The following RPS19 variants were observed in gnomAD, a reference collection of about 807,000 sequenced individuals.
RPS19 encodes ribosomal protein S19.
In RPS19, 1 loss-of-function variant was observed where a neutral mutation model predicts 20.3. The observed-to-expected ratio is 0.05, with a 90% CI of 0.02 to 0.23. The LOEUF (loss-of-function observed/expected upper bound fraction) is 0.23, where lower values mean the gene tolerates loss of function less well. Among genes scored for constraint, RPS19 ranks in the 10% least tolerant of loss-of-function variants. The pLI, the probability that RPS19 is intolerant of heterozygous loss-of-function variation, is 1.00. For missense variants in RPS19, 111 were observed against 192.7 expected (o/e 0.58, Z 2.51); for synonymous variants, 87 against 74.8 (o/e 1.16, Z -0.84).
intron 3 of RPS19, among the ~76,000 whole-genome samples, chr19:41,868,770 CA>C (rs1444447326): frequency 6.6e-6 from 1 of 152,100 alleles, no homozygotes; most frequent in Non-Finnish European, 1.5e-5. Context: ...AATTCAACAG[CA>C]GTGCTGCTGG....
intron 3 of RPS19, among the ~76,000 whole-genome samples, chr19:41,861,875 A>T (rs12461131): frequency 6.6e-6 from 1 of 151,932 alleles, no homozygotes; most frequent in African/African-American, 2.4e-5. Flanking sequence ...GTCTCTTTTC[A>T]ATCTTCCAAT....
At chr19:41,870,681 CA>C (rs1472567263) in intron 5 of RPS19, among the ~76,000 whole-genome samples, 5 of 151,914 alleles carry the variant, frequency 3.3e-5, no homozygotes, top group Non-Finnish European at 7.4e-5. Context: ...AGTCAAGTGT[CA>C]CAAAAGAATG....
At chr19:41,868,199 G>A (rs2074109071) in intron 3 of RPS19, among the ~76,000 whole-genome samples, 2 of 152,210 alleles carry the variant, frequency 1.3e-5, no homozygotes, top group South Asian at 4.1e-4. Context: ...CCATGTGATG[G>A]CTGAAATCTG....
At position 41,871,609 on chromosome 19, in the gene RPS19, G is replaced by T; in HGVS notation, c.*232G>T. ...GTTTGGGTCTCTTGATTGTTCTTCA[G>T]GGGCATGAGGAAGAGGCGCTTCCTC... On this transcript the variant is annotated 3_prime_UTR_variant, in exon 6 of 6. Coordinates refer to ENST00000598742, the MANE Select transcript of RPS19 (RefSeq NM_001022.4). 1 of 523,140 alleles carries T rather than the reference G, an allele frequency of 1.9e-6. No individual in the cohort carries two copies. Among genetic ancestry groups the T allele is most frequent in the South Asian group, 2.1e-5 (1 of 48,200 alleles). The allele number at this position is 523,140 out of a possible 1,614,324, so 32.4% of individuals were successfully genotyped here. A position where few individuals can be genotyped will look rare whatever the true frequency, so the allele number is the denominator to read the frequency against.
intron 5 of RPS19, among the ~76,000 whole-genome samples, chr19:41,870,848 CCTTTTTTTTTTTTTTTT>C (rs1256412550): frequency 4.7e-5 from 4 of 85,766 alleles, no homozygotes; most frequent in East Asian, 8.0e-4. Context: ...CCACTCCCTT[CCTTTTTTTTTTTTTTTT>C]TTTTTTTTTT....
At chr19:41,868,131 G>C (rs1555841091) in intron 3 of RPS19, among the ~76,000 whole-genome samples, 1 of 152,182 alleles carries the variant, frequency 6.6e-6, no homozygotes, top group Admixed American at 6.5e-5. Flanking sequence ...CCAACTTGCT[G>C]ATCTCTGGGT....
At chr19:41,866,824 C>T (rs782365235) in intron 3 of RPS19, among the ~76,000 whole-genome samples, 2 of 150,314 alleles carry the variant, frequency 1.3e-5, no homozygotes, top group African/African-American at 4.9e-5. Context: ...AGACCATCCT[C>T]GCTAACACGG....
chr19:41,868,093 G>T (rs995614841), intron 3 of RPS19, among the ~76,000 whole-genome samples: 6 of 152,202 alleles, frequency 3.9e-5, no homozygotes, highest in East Asian at 3.9e-4. Context: ...TAGAACTAGA[G>T]GAAAGAAATC....
intron 3 of RPS19, among the ~76,000 whole-genome samples, chr19:41,863,474 A>G (rs1555839751): frequency 2.0e-5 from 3 of 152,136 alleles, no homozygotes; most frequent in African/African-American, 4.8e-5. Flanking sequence ...GTTCCCTGCT[A>G]TATTCCCTTT....
At chr19:41,869,545 C>T in intron 4 of RPS19, 154 bp from the exon 5 acceptor site, 1 of 759,208 alleles carries the variant, frequency 1.3e-6, no homozygotes, top group South Asian at 1.6e-5. Context: ...CACTACTGCC[C>T]CCAGCTCGTT....
rs782512026 is a variant in RPS19, at chr19:41,860,780, T to A, written c.6T>A (p.Pro2=). The A allele has an allele frequency of 6.2e-7, 1 of 1,613,456 alleles. No homozygotes were observed. The highest frequency in any genetic ancestry group is 1.1e-5 in the South Asian group (1 of 91,078). Reference sequence around the variant, plus strand: ...TGCTTGACTTTCTCCCTCAGATGCCTGGAGTTACTGTAAAAGACGTGAACC... The same window carrying A: ...TGCTTGACTTTCTCCCTCAGATGCCAGGAGTTACTGTAAAAGACGTGAACC... The part of the protein sequence containing the change: M[P]GVTVKDVNQQ... The change falls in exon 2 of 6, where the codon CCT becomes CCA. Residue 2 remains proline, a synonymous_variant. Transcript: ENST00000598742.
At chr19:41,861,579 C>T (rs1378767289) in intron 3 of RPS19, 1 of 356,464 alleles carries the variant, frequency 2.8e-6, no homozygotes, top group African/African-American at 2.1e-5. Flanking sequence ...GTTAACCTGC[C>T]TGTGCACTCT....
chr19:41,862,697 A>G (rs117279327), intron 3 of RPS19, among the ~76,000 whole-genome samples: 1 of 151,696 alleles, frequency 6.6e-6, no homozygotes, highest in East Asian at 1.9e-4. Context: ...GACCTTGGAT[A>G]ATAAACCTAG....
At chr19:41,869,955 G>A (rs1555841649) in intron 5 of RPS19, among the ~76,000 whole-genome samples, 1 of 152,162 alleles carries the variant, frequency 6.6e-6, no homozygotes, top group Non-Finnish European at 1.5e-5. Flanking sequence ...TAGAAATTTG[G>A]AGGCAGGCTG....
intron 5 of RPS19, 88 bp from the exon 6 acceptor site, chr19:41,871,263 A>C: frequency 8.7e-7 from 1 of 1,155,158 alleles, no homozygotes; most frequent in Non-Finnish European, 1.3e-6. Flanking sequence ...CGGGGTGCCC[A>C]CCTGTGGTGG....
At chr19:41,869,884 G>T in intron 5 of RPS19, 131 bp downstream of exon 5, 2 of 900,930 alleles carry the variant, frequency 2.2e-6, no homozygotes, top group Non-Finnish European at 1.8e-6. Flanking sequence ...GGGGTCAGAG[G>T]AGGGCTGCCC....
rs1342315094 is a variant in RPS19 at position 41,872,137 on chromosome 19, T to G, written c.*760T>G. ...GGCCACACACGGGCTGCACAACCTT[T>G]GCAGTCGTGCACGGCAAGTGGGATG... On this transcript the variant is annotated 3_prime_UTR_variant, in exon 6 of 6. Transcript: ENST00000598742. 6.6e-6 allele frequency: 1 copy of G among 152,298 alleles called. No homozygotes were observed. The highest frequency in any genetic ancestry group is 2.4e-5 in the African/African-American group (1 of 41,472). The allele number at this position is 152,298 out of a possible 1,614,324, so 9.4% of individuals were successfully genotyped here. A position where few individuals can be genotyped will look rare whatever the true frequency, so the allele number is the denominator to read the frequency against.
chr19:41,868,896 C>A, intron 3 of RPS19, 135 bp from the exon 4 acceptor site: 1 of 910,184 alleles, frequency 1.1e-6, no homozygotes, highest in Non-Finnish European at 1.7e-6. Context: ...AGGGGGCTGT[C>A]AGTTTCTGGG....
rs1245584045 is a variant in RPS19 at position 41,872,707 on chromosome 19, G to C, written c.*1330G>C. 6.6e-6 allele frequency: 1 copy of C among 152,226 alleles called. No homozygotes were observed. The highest frequency in any genetic ancestry group is 1.5e-5 in the Non-Finnish European group (1 of 68,050). 9.4% of individuals were successfully genotyped at this position (152,226 alleles called of 1,614,324 possible). On this transcript the variant is annotated 3_prime_UTR_variant, in exon 6 of 6. Coordinates refer to ENST00000598742, the MANE Select transcript of RPS19 (RefSeq NM_001022.4). ...GAGGTTGGGAGCTTGAGAACAGCCT[G>C]ACCAACATGGAGAAACCCTGTCTCT...
Sources: gnomAD v4.1 joint callset for allele counts (sites outside exome capture counted in the v4.1 genomes callset) on GRCh38, gnomAD v4.1.1 for gene constraint, MANE v1.5 for transcripts, NCBI Gene and HGNC (gene_info 2026-07-23, HGNC 2026-07-21) for gene names.